Variants in IREB2 observed in about 807,000 individuals in gnomAD.
IREB2 encodes the protein iron-responsive element-binding protein 2.
IREB2 carries 39 observed loss-of-function variants against 118.8 expected under a neutral mutation model. The observed-to-expected ratio is 0.33, with a 90% CI of 0.25 to 0.43. The LOEUF (loss-of-function observed/expected upper bound fraction) is 0.43. IREB2 is among the 20% of genes least tolerant of loss of function. IREB2 has a pLI of 1.00. For synonymous variants in IREB2, 372 were observed against 392.2 expected, an observed-to-expected ratio of 0.95 and a Z score of 0.61; for missense variants, 900 against 1,147.3, an observed-to-expected ratio of 0.78 and a Z score of 3.11.
chr15:78,443,756 C>T (rs940953510), intron 2 of IREB2, among the ~76,000 whole-genome samples: 10 of 151,974 alleles, frequency 6.6e-5, no homozygotes, highest in Admixed American at 2.6e-4. Context: ...AAACGATTCT[C>T]GTGCCTCAGC....
At chr15:78,474,652 T>C (rs1004293431) in intron 8 of IREB2, 1 of 152,232 alleles carries the variant, frequency 6.6e-6, no homozygotes, top group African/African-American at 2.4e-5. Context: ...TACTTCTTTT[T>C]TGAGATCCTG....
rs2051259342 is a variant in IREB2, at chr15:78,465,123, C to A, written c.273-128C>A. 9 of 709,360 alleles carry A rather than the reference C, an allele frequency of 1.3e-5. No individual in the cohort carries two copies. The South Asian group carries it at 2.0e-4, about 16-fold the overall frequency. 43.9% of individuals were successfully genotyped at this position (709,360 alleles called of 1,614,324 possible). A position where few individuals can be genotyped will look rare whatever the true frequency, so the allele number is the denominator to read the frequency against. On this transcript the variant is annotated intron_variant, in intron 3 of 21. Transcript: ENST00000258886. ...CAGGATACTCCTAACTTATAAAGTACATTATGAAAAATGAATGTAAACTAG... is the reference window on the plus strand; with the variant it reads ...CAGGATACTCCTAACTTATAAAGTAAATTATGAAAAATGAATGTAAACTAG...
Position 78,471,845 on chromosome 15 carries a change from A to G in IREB2, c.804A>G (p.Lys268=), listed in dbSNP as rs35999247. ...TGTCAAGAGTGGTTTTTGAAGAAAA[A>G]GACCTCCTCTTCCCAGACAGTGTAG... The part of the protein sequence containing the change: ...EYLSRVVFEE[K]DLLFPDSVVG... Residue 268 remains lysine, a synonymous_variant, in exon 7 of 22, where the codon AAA becomes AAG. Coordinates refer to ENST00000258886, the MANE Select transcript of IREB2 (RefSeq NM_004136.4). 3,627 of 1,613,566 alleles carry G rather than the reference A, an allele frequency of 2.2e-3. 75 individuals are homozygous for G. The African/African-American group carries it at 0.042, about 19-fold the overall frequency.
rs534792754 is a variant in IREB2 at position 78,500,186 on chromosome 15, G to T, written c.*2043G>T. On this transcript the variant is annotated 3_prime_UTR_variant, in exon 22 of 22. Transcript: ENST00000258886. ...GAAAGCATACTCTATATATAGTTAT[G>T]GGCAGAGGCACAGGCATCCTCAGCA... 9.1e-3 allele frequency: 1,387 copies of T among 152,166 alleles called. 8 individuals carry two copies. The highest frequency in any genetic ancestry group is 0.015 in the Non-Finnish European group (1,021 of 68,024). 9.4% of individuals were successfully genotyped at this position (152,166 alleles called of 1,614,324 possible).
chr15:78,465,291 G>A lies in IREB2; in HGVS notation c.313G>A (p.Ala105Thr), dbSNP rs368758572. 19 of 1,612,512 alleles carry A rather than the reference G, an allele frequency of 1.2e-5. No homozygotes were observed. The highest frequency in any genetic ancestry group is 1.5e-5 in the Non-Finnish European group (18 of 1,179,390). The change falls in exon 4 of 22, where the codon GCA becomes ACA. Residue 105 changes from alanine to threonine, a missense_variant. By Grantham distance (58) the Ala-to-Thr change is moderately conservative (BLOSUM62 0). Coordinates refer to ENST00000258886, the MANE Select transcript of IREB2 (RefSeq NM_004136.4). ...AMVDFAAMRE[A>T]VKTLGGDPEK... ...GGTGGATTTTGCTGCTATGAGGGAG[G>A]CAGTGAAAACTCTTGGAGGTGATCC...
chr15:78,449,767 C>G (rs1056669984), intron 2 of IREB2, among the ~76,000 whole-genome samples: 1 of 152,110 alleles, frequency 6.6e-6, no homozygotes, highest in Non-Finnish European at 1.5e-5. Context: ...TGCCTTTCAT[C>G]GGATGCTTCC....
intron 12 of IREB2, 61 bp from the exon 13 acceptor site, chr15:78,485,644 A>G (rs1477850897): frequency 6.6e-7 from 1 of 1,517,752 alleles, no homozygotes; most frequent in Non-Finnish European, 8.9e-7. Flanking sequence ...TTTTACTTTA[A>G]TATGGGTGAG....
At chr15:78,470,200 C>G (rs531510122) in intron 5 of IREB2, among the ~76,000 whole-genome samples, 1 of 152,188 alleles carries the variant, frequency 6.6e-6, no homozygotes, top group East Asian at 1.9e-4. Context: ...ACATGCTTGT[C>G]GTTGAAGCTA....
intron 21 of IREB2, 150 bp downstream of exon 21, chr15:78,497,461 A>G: frequency 3.1e-6 from 2 of 639,004 alleles, no homozygotes; most frequent in Non-Finnish European, 5.4e-6. Flanking sequence ...ACTTAGATCT[A>G]GCTATGTTAA....
chr15:78,480,093 T>C (rs2051540715), intron 10 of IREB2: 1 of 152,200 alleles, frequency 6.6e-6, no homozygotes. Context: ...ACAGGAACTT[T>C]GGTTTGGTAT....
intron 18 of IREB2, among the ~76,000 whole-genome samples, chr15:78,492,980 A>C (rs2051776736): frequency 6.6e-6 from 1 of 152,202 alleles, no homozygotes; most frequent in Non-Finnish European, 1.5e-5. Flanking sequence ...ATCACTGGTA[A>C]CATTCCAGGA....
chr15:78,439,820 AACATTAAATG>A lies in IREB2; in HGVS notation c.49_58del (p.Leu17ValfsTer38), dbSNP rs1425003268. On this transcript the variant is annotated frameshift_variant, in exon 2 of 22. Transcript: ENST00000258886. LOFTEE classifies it high-confidence loss of function. ...GATACGCCTTTGAGTACCTTATTGAAACATTAAATGACAGTTCACATAAGAAGTTCTTCGA... is the reference window on the plus strand; with the variant it reads ...GATACGCCTTTGAGTACCTTATTGAAACAGTTCACATAAGAAGTTCTTCGA... 6.3e-7 allele frequency: 1 copy of A among 1,596,834 alleles called. No individual in the cohort carries two copies. The highest frequency in any genetic ancestry group is 8.5e-7 in the Non-Finnish European group (1 of 1,171,578).
intron 10 of IREB2, among the ~76,000 whole-genome samples, chr15:78,481,283 A>G (rs915196002): frequency 6.6e-6 from 1 of 151,844 alleles, no homozygotes; most frequent in African/African-American, 2.4e-5. Flanking sequence ...GCTCACTGCA[A>G]CCTCCATTTC....
At chr15:78,489,416 C>T (rs567148179) in intron 16 of IREB2, among the ~76,000 whole-genome samples, 2 of 152,080 alleles carry the variant, frequency 1.3e-5, no homozygotes, top group Non-Finnish European at 1.5e-5. Context: ...GTTCAGAATA[C>T]ATCATTGAAC....
chr15:78,473,355 A>G lies in IREB2; in HGVS notation c.997A>G (p.Ile333Val). ...GTCATCAAACCCTTTTGTTACATCCATAGATGTTGTTCTTGGTATTACAAA... is the reference window on the plus strand; with the variant it reads ...GTCATCAAACCCTTTTGTTACATCCGTAGATGTTGTTCTTGGTATTACAAA... ...TGSSNPFVTS[I>V]DVVLGITKHL... Residue 333 changes from isoleucine to valine, a missense_variant, in exon 8 of 22, where the codon ATA (isoleucine) becomes GTA (valine). Coordinates refer to ENST00000258886, the MANE Select transcript of IREB2 (RefSeq NM_004136.4). The G allele has an allele frequency of 5.6e-6, 9 of 1,613,938 alleles. No homozygotes were observed. The highest frequency in any genetic ancestry group is 7.6e-6 in the Non-Finnish European group (9 of 1,179,836).
chr15:78,450,176 C>T (rs1441372609), intron 2 of IREB2, among the ~76,000 whole-genome samples: 4 of 152,072 alleles, frequency 2.6e-5, no homozygotes, highest in African/African-American at 2.4e-5. Context: ...AGAAAAGACA[C>T]GGTTTAGTAA....
chr15:78,476,957 C>T (rs190496227), intron 9 of IREB2, among the ~76,000 whole-genome samples: 148 of 152,070 alleles, frequency 9.7e-4, no homozygotes, highest in Non-Finnish European at 1.7e-3. Context: ...TTTTTTTAAT[C>T]TCTTTAATGA....
chr15:78,440,403 G>T (rs937448788), intron 2 of IREB2, among the ~76,000 whole-genome samples: 48 of 147,526 alleles, frequency 3.3e-4, no homozygotes, highest in African/African-American at 1.2e-3. Flanking sequence ...TTGCTCTGTT[G>T]CCCAGGCTAG....
intron 2 of IREB2, among the ~76,000 whole-genome samples, chr15:78,440,955 T>C (rs958720671): frequency 6.6e-6 from 1 of 152,224 alleles, no homozygotes; most frequent in Non-Finnish European, 1.5e-5. Context: ...TAGAGAGACC[T>C]CTTTAGAAGA....
Sources: allele counts gnomAD v4.1 joint callset (sites outside exome capture counted in the v4.1 genomes callset), GRCh38; gene constraint gnomAD v4.1.1; transcripts MANE v1.5; gene names NCBI Gene and HGNC (gene_info 2026-07-23, HGNC 2026-07-21).